Variants in USP1 observed in about 807,000 individuals in gnomAD.
The protein encoded by USP1 is ubiquitin specific peptidase 1, also known as ubiquitin carboxyl-terminal hydrolase 1.
USP1 carries 18 observed loss-of-function variants against 72.2 expected under a neutral mutation model. That is an observed-to-expected ratio of 0.25 (90% confidence interval 0.17 to 0.37). USP1 has a LOEUF of 0.37. USP1 is among the 10% of genes least tolerant of loss of function. The pLI is 1.00. For missense variants in USP1, 759 were observed against 884.9 expected, an observed-to-expected ratio of 0.86 and a Z score of 1.81; for synonymous variants, 354 against 303.7, an observed-to-expected ratio of 1.17 and a Z score of -1.72.
rs1192376709 is a variant in USP1 at position 62,448,635 on chromosome 1, C to T, written c.1591C>T (p.His531Tyr). 2 of 1,613,242 alleles carry T rather than the reference C, an allele frequency of 1.2e-6. No homozygotes were observed. Among genetic ancestry groups the T allele is most frequent in the Non-Finnish European group, 1.7e-6 (2 of 1,179,890 alleles). Residue 531 changes from histidine to tyrosine, a missense_variant, in exon 8 of 9, where the codon CAT (histidine) becomes TAT (tyrosine). Physicochemically the swap from His to Tyr is moderately conservative, Grantham distance 83 (BLOSUM62 2). This residue lies in a region of USP1 where 140 missense variants were observed against 222.8 expected (regional missense o/e 0.63). Coordinates refer to ENST00000339950, the MANE Select transcript of USP1 (RefSeq NM_003368.5). The stretch of plus-strand genomic sequence containing the variant: ...CAAAATGCCTGAAGTTATAACTATT[C>T]ATTTGAAGTGCTTTGCTGCTAGTGG... ...FDKMPEVITI[H>Y]LKCFAASGLE...
At chr1:62,449,164 G>A (rs536361762) in intron 8 of USP1, among the ~76,000 whole-genome samples, 5 of 152,308 alleles carry the variant, frequency 3.3e-5, no homozygotes, top group South Asian at 4.1e-4. Context: ...GATTACAGGC[G>A]TGAGCCACCA....
intron 3 of USP1, 34 bp from the exon 4 acceptor site, chr1:62,442,161 C>A: frequency 1.5e-6 from 2 of 1,376,586 alleles, no homozygotes; most frequent in South Asian, 2.5e-5. Flanking sequence ...ATTGTTTGTT[C>A]AGTAAACACT....
chr1:62,442,355 A>G, intron 4 of USP1, 56 bp downstream of exon 4: 1 of 1,303,048 alleles, frequency 7.7e-7, no homozygotes, highest in Non-Finnish European at 1.1e-6. Flanking sequence ...ATTAATGGAA[A>G]TTTACTTGCC....
chr1:62,448,583 T>C lies in USP1; in HGVS notation c.1539T>C (p.Thr513=), dbSNP rs1432086780. The C allele has an allele frequency of 6.2e-7, 1 of 1,613,954 alleles. No homozygotes were observed. The highest frequency in any genetic ancestry group is 1.1e-5 in the South Asian group (1 of 91,072). ...KYFCENCHHY[T]EAERSLLFDK... Reference sequence around the variant, plus strand: ...TCTGTGAAAACTGCCATCATTATACTGAAGCTGAACGAAGTCTTTTGTTTG... The same window carrying C: ...TCTGTGAAAACTGCCATCATTATACCGAAGCTGAACGAAGTCTTTTGTTTG... Residue 513 remains threonine, a synonymous_variant, in exon 8 of 9, where the codon ACT becomes ACC. Transcript: ENST00000339950.
rs377264775 is a variant in USP1 at position 62,439,827 on chromosome 1, A to G, written c.-41A>G. Reference sequence around the variant, plus strand: ...TAATTGGTGATTACAACTTTCCTCTATAAATTAACTCTTGACACTCCTTGG... The same window carrying G: ...TAATTGGTGATTACAACTTTCCTCTGTAAATTAACTCTTGACACTCCTTGG... On this transcript the variant is annotated 5_prime_UTR_variant, in exon 2 of 9. Transcript: ENST00000339950. The G allele has an allele frequency of 6.0e-6, 8 of 1,338,038 alleles. No homozygotes were observed. The highest frequency in any genetic ancestry group is 4.5e-5 in the African/African-American group (3 of 66,814). 82.9% of individuals were successfully genotyped at this position (1,338,038 alleles called of 1,614,324 possible). A position where few individuals can be genotyped will look rare whatever the true frequency, so the allele number is the denominator to read the frequency against.
chr1:62,450,867 G>C lies in USP1; in HGVS notation c.2244G>C (p.Leu748Phe). The C allele has an allele frequency of 6.2e-7, 1 of 1,614,038 alleles. No homozygotes were observed. The highest frequency in any genetic ancestry group is 8.5e-7 in the Non-Finnish European group (1 of 1,179,952). ...QSLKEYEGKWLLFDDSEVKVT... is the reference protein window; with the variant it reads ...QSLKEYEGKWFLFDDSEVKVT... Reference sequence around the variant, plus strand: ...TAAAGGAGTATGAGGGGAAGTGGTTGCTTTTTGATGATTCTGAAGTCAAAG... The same window carrying C: ...TAAAGGAGTATGAGGGGAAGTGGTTCCTTTTTGATGATTCTGAAGTCAAAG... The change falls in exon 9 of 9, where the codon TTG (leucine) becomes TTC (phenylalanine). Residue 748 changes from leucine (L) to phenylalanine (F), a missense_variant. This residue lies in a region of USP1 where 7 missense variants were observed against 24.0 expected (regional missense o/e 0.29). Transcript: ENST00000339950.
At position 62,450,987 on chromosome 1, in the gene USP1, G is replaced by C; in HGVS notation, c.*6G>C. On this transcript the variant is annotated 3_prime_UTR_variant, in exon 9 of 9. Coordinates refer to ENST00000339950, the MANE Select transcript of USP1 (RefSeq NM_003368.5). ...TATTTTATAAGAAATTATAGAGTGA[G>C]TGTATTTTCCTTGTGTATATATTAA... The C allele has an allele frequency of 6.4e-7, 1 of 1,569,666 alleles. No individual in the cohort carries two copies. Among genetic ancestry groups the C allele is most frequent in the Non-Finnish European group, 8.6e-7 (1 of 1,165,680 alleles).
At chr1:62,447,146 TAGTC>T (rs1645181000) in intron 6 of USP1, among the ~76,000 whole-genome samples, 191 bp from the exon 7 acceptor site, 1 of 152,204 alleles carries the variant, frequency 6.6e-6, no homozygotes, top group Non-Finnish European at 1.5e-5. Context: ...AGTAATTTCA[TAGTC>T]AGTTTTATCT....
At position 62,450,384 on chromosome 1, in the gene USP1, T is replaced by C. The variant is rs763752155; in HGVS notation, c.1761T>C (p.Ile587=). 1.2e-6 allele frequency: 2 copies of C among 1,614,174 alleles called. No homozygotes were observed. The highest frequency in any genetic ancestry group is 1.7e-5 in the Admixed American group (1 of 60,026). ...TTGCGGTTGTGATGCATAGTGGCAT[T>C]ACAATTAGTAGTGGGCATTACACTG... is the stretch of plus-strand genomic sequence containing the variant. ...GLFAVVMHSG[I]TISSGHYTAS... Residue 587 remains isoleucine (I), a synonymous_variant, in exon 9 of 9, where the codon ATT becomes ATC. Coordinates refer to ENST00000339950, the MANE Select transcript of USP1 (RefSeq NM_003368.5).
At position 62,451,030 on chromosome 1, in the gene USP1, T is replaced by C. The variant is rs188283168; in HGVS notation, c.*49T>C. The C allele has an allele frequency of 2.4e-5, 36 of 1,474,130 alleles. No homozygotes were observed. The East Asian group carries it at 4.1e-4, about 17-fold the overall frequency. The allele number at this position is 1,474,130 out of a possible 1,614,324, so 91.3% of individuals were successfully genotyped here. On this transcript the variant is annotated 3_prime_UTR_variant, in exon 9 of 9. Transcript: ENST00000339950. ...TATATTAAACACACCCATACAAACA[T>C]TGGTAAAGTTGATTACATCAAAGAA...
At chr1:62,444,666 T>A in intron 5 of USP1, 72 bp from the exon 6 acceptor site, 1 of 1,158,886 alleles carries the variant, frequency 8.6e-7, no homozygotes, top group Non-Finnish European at 1.1e-6. Context: ...TTACATGAAT[T>A]AATTTCTATA....
chr1:62,448,987 G>T (rs1477865675), intron 8 of USP1, among the ~76,000 whole-genome samples: 4 of 151,972 alleles, frequency 2.6e-5, no homozygotes, highest in Non-Finnish European at 4.4e-5. Flanking sequence ...GGCTCAGGTG[G>T]TTCTCCCACC....
rs1173475837 is a variant in USP1, at chr1:62,443,168, AAAG to A, written c.411_413del (p.Glu137del). 6.2e-7 allele frequency: 1 copy of A among 1,607,538 alleles called. No homozygotes were observed. Among genetic ancestry groups the A allele is most frequent in the Non-Finnish European group, 8.5e-7 (1 of 1,178,250 alleles). On this transcript the variant is annotated inframe_deletion, in exon 5 of 9. Transcript: ENST00000339950. ...GTTTCTTTCTTGACAGGGAAATTGC[AAAG>A]AAGATTCTTTGGCAAGTTATGAATT...
At chr1:62,439,664 A>G (rs191899881) in intron 1 of USP1, 135 bp from the exon 2 acceptor site, 1 of 422,106 alleles carries the variant, frequency 2.4e-6, no homozygotes, top group African/African-American at 2.0e-5. Context: ...TTGAGTGCTT[A>G]TTGGCAGGCA....
At chr1:62,445,456 G>A (rs1645165196) in intron 6 of USP1, 27 bp downstream of exon 6, 2 of 1,483,342 alleles carry the variant, frequency 1.3e-6, no homozygotes, top group African/African-American at 2.8e-5. Flanking sequence ...GACTTTGATA[G>A]GTAGAAGCAT....
chr1:62,446,888 C>T (rs190972968), intron 6 of USP1, among the ~76,000 whole-genome samples: 2 of 152,070 alleles, frequency 1.3e-5, no homozygotes, highest in Non-Finnish European at 1.5e-5. Flanking sequence ...GATCTTGGCT[C>T]ACTGCAACCT....
chr1:62,447,663 A>T, intron 7 of USP1, 152 bp downstream of exon 7: 1 of 798,920 alleles, frequency 1.3e-6, no homozygotes. Flanking sequence ...GGCTTCACTT[A>T]TAAATGGTTA....
chr1:62,450,222 C>T, intron 8 of USP1, 24 bp from the exon 9 acceptor site: 1 of 1,582,262 alleles, frequency 6.3e-7, no homozygotes, highest in Non-Finnish European at 8.6e-7. Context: ...CTGCAGGAAA[C>T]CTTTTCTTTT....
intron 6 of USP1, among the ~76,000 whole-genome samples, chr1:62,445,884 C>G (rs1440590063): frequency 2.6e-5 from 4 of 152,052 alleles, no homozygotes; most frequent in African/African-American, 9.7e-5. Context: ...GAGGCTGAGG[C>G]AGGAGAATCG....
Sources: gnomAD v4.1 joint callset for allele counts (sites outside exome capture counted in the v4.1 genomes callset) on GRCh38, gnomAD v4.1.1 for gene constraint, gnomAD v4.1.1 regional missense constraint, MANE v1.5 for transcripts, NCBI Gene and HGNC (gene_info 2026-07-23, HGNC 2026-07-21) for gene names.